The following ZRANB3 variants were observed in gnomAD, a reference collection of about 807,000 sequenced individuals.
ZRANB3 encodes the protein zinc finger RANBP2-type containing 3.
In ZRANB3, 125 loss-of-function variants were observed where a neutral mutation model predicts 133.8. The observed-to-expected ratio is 0.93, with a 90% confidence interval of 0.81 to 1.08. ZRANB3 has a LOEUF of 1.08. Ranked by LOEUF, ZRANB3 falls within the 50% of genes least tolerant of loss-of-function variation. The pLI is 0.00. For synonymous variants in ZRANB3, 387 were observed against 432.7 expected (o/e 0.89, Z 1.31); for missense variants, 1,229 against 1,275.5 (o/e 0.96, Z 0.56).
intron 3 of ZRANB3, among the ~76,000 whole-genome samples, chr2:135,361,134 C>T (rs1342135334): frequency 6.6e-6 from 1 of 152,246 alleles, no homozygotes; most frequent in East Asian, 1.9e-4. Flanking sequence ...ATTATAAAAG[C>T]AACAACACAC....
chr2:135,495,259 A>T (rs1423701291), intron 2 of ZRANB3, among the ~76,000 whole-genome samples: 1 of 152,224 alleles, frequency 6.6e-6, no homozygotes. Flanking sequence ...AAAAAAAAAT[A>T]AAAAGTTAAA....
intron 3 of ZRANB3, among the ~76,000 whole-genome samples, chr2:135,381,868 G>A (rs140595878): frequency 6.6e-6 from 1 of 152,024 alleles, no homozygotes; most frequent in Admixed American, 6.6e-5. Context: ...AATACCAAAG[G>A]TAGATAAAAC....
chr2:135,349,613 G>T (rs946529245), intron 5 of ZRANB3, among the ~76,000 whole-genome samples: 1 of 152,144 alleles, frequency 6.6e-6, no homozygotes, highest in African/African-American at 2.4e-5. Flanking sequence ...CAGTGTAAAA[G>T]AAATAAGGTA....
intron 2 of ZRANB3, among the ~76,000 whole-genome samples, chr2:135,465,668 G>A (rs1215850471): frequency 6.6e-6 from 1 of 152,176 alleles, no homozygotes; most frequent in Non-Finnish European, 1.5e-5. Context: ...ATTGACAAAT[G>A]GGATCTAATT....
At chr2:135,233,583 A>T (rs1465943670) in intron 12 of ZRANB3, among the ~76,000 whole-genome samples, 1 of 152,256 alleles carries the variant, frequency 6.6e-6, no homozygotes, top group African/African-American at 2.4e-5. Flanking sequence ...CATCAGACTA[A>T]CAGCGGATCT....
Position 135,199,602 on chromosome 2 carries a change from C to T in ZRANB3, c.*740G>A, listed in dbSNP as rs930669190. ...TGCGTGAGCCACCGCGCCCAGCCAA[C>T]AGTAAGCCTAGTTTTATTCATTTTT... On this transcript the variant is annotated 3_prime_UTR_variant, in exon 21 of 21. Transcript: ENST00000264159. 1.3e-5 allele frequency: 2 copies of T among 152,088 alleles called. No homozygotes were observed. The highest frequency in any genetic ancestry group is 6.6e-5 in the Admixed American group (1 of 15,250). 9.4% of individuals were successfully genotyped at this position (152,088 alleles called of 1,614,324 possible).
At chr2:135,354,998 CAGACTATACA>C (rs1685367739) in intron 3 of ZRANB3, among the ~76,000 whole-genome samples, 1 of 151,864 alleles carries the variant, frequency 6.6e-6, no homozygotes, top group Non-Finnish European at 1.5e-5. Flanking sequence ...CCCTGTTTAC[CAGACTATACA>C]AAGAGAAAAA....
intron 12 of ZRANB3, among the ~76,000 whole-genome samples, chr2:135,263,232 A>C (rs1680051696): frequency 6.6e-6 from 1 of 152,188 alleles, no homozygotes; most frequent in Admixed American, 6.6e-5. Context: ...GTGTTTTTAA[A>C]GCAACTTTGT....
chr2:135,436,741 T>C (rs1689551879), intron 2 of ZRANB3, among the ~76,000 whole-genome samples: 2 of 152,154 alleles, frequency 1.3e-5, no homozygotes, highest in Non-Finnish European at 2.9e-5. Flanking sequence ...AGTGGCATTC[T>C]TCATAGAATT....
intron 2 of ZRANB3, among the ~76,000 whole-genome samples, chr2:135,424,022 A>G (rs1333316909): frequency 1.3e-5 from 2 of 152,196 alleles, no homozygotes; most frequent in East Asian, 1.9e-4. Flanking sequence ...GACATTTAAG[A>G]ACAGCTAATA....
At chr2:135,479,980 C>T (rs926535356) in intron 2 of ZRANB3, among the ~76,000 whole-genome samples, 1 of 151,614 alleles carries the variant, frequency 6.6e-6, no homozygotes, top group African/African-American at 2.4e-5. Flanking sequence ...GTCACCCAGG[C>T]TGGAGTGCAG....
intron 2 of ZRANB3, among the ~76,000 whole-genome samples, chr2:135,402,433 T>G (rs1216012143): frequency 1.3e-5 from 2 of 151,852 alleles, no homozygotes; most frequent in Non-Finnish European, 2.9e-5. Context: ...TAGCTGGGAC[T>G]ACAGGAGCCC....
Position 135,269,172 on chromosome 2 carries a change from T to C in ZRANB3, c.1207-31A>G, listed in dbSNP as rs902072766. The stretch of plus-strand genomic sequence containing the variant: ...TGAAATAAAGCAAATAAATTGAGAA[T>C]GTAACATACAGCCAATATATAATAA... On this transcript the variant is annotated intron_variant, in intron 10 of 20. Coordinates refer to ENST00000264159, the MANE Select transcript of ZRANB3 (RefSeq NM_032143.4). 5.2e-6 allele frequency: 8 copies of C among 1,550,120 alleles called. No individual in the cohort carries two copies. In the Admixed American group the frequency reaches 9.7e-5, roughly 19 times the overall value.
chr2:135,510,533 G>C (rs1693406690), intron 1 of ZRANB3: 1 of 650,488 alleles, frequency 1.5e-6, no homozygotes, highest in African/African-American at 1.8e-5. Context: ...GCCGCGTGAA[G>C]ATCCATGAAG....
chr2:135,268,958 T>C lies in ZRANB3; in HGVS notation c.1386+4A>G. 1 of 1,599,820 alleles carries C rather than the reference T, an allele frequency of 6.3e-7. No individual in the cohort carries two copies. The highest frequency in any genetic ancestry group is 2.2e-5 in the East Asian group (1 of 44,516). On this transcript the variant is annotated splice_donor_region_variant and intron_variant, in intron 11 of 20. Coordinates refer to ENST00000264159, the MANE Select transcript of ZRANB3 (RefSeq NM_032143.4). ...TGCTAACTTGATTTAAATTCAAGCT[T>C]TACCTTGCGATTCAACATTCCCCAC...
intron 2 of ZRANB3, among the ~76,000 whole-genome samples, chr2:135,479,717 A>T (rs1172642905): frequency 2.0e-5 from 3 of 152,022 alleles, no homozygotes; most frequent in Non-Finnish European, 4.4e-5. Context: ...ACACTTTCAG[A>T]CACGGAGAGC....
intron 2 of ZRANB3, among the ~76,000 whole-genome samples, chr2:135,402,420 G>A (rs775620153): frequency 2.7e-5 from 4 of 150,702 alleles, no homozygotes; most frequent in Non-Finnish European, 4.4e-5. Flanking sequence ...TCAGTCTCCC[G>A]AGTAGCTGGG....
chr2:135,398,531 T>TG (rs1687599402), intron 2 of ZRANB3, among the ~76,000 whole-genome samples: 1 of 148,522 alleles, frequency 6.7e-6, no homozygotes, highest in Non-Finnish European at 1.5e-5. Flanking sequence ...CTTTTTTTTT[T>TG]TTTTTGAGAT....
At chr2:135,254,066 A>C (rs542583819) in intron 12 of ZRANB3, among the ~76,000 whole-genome samples, 1 of 152,106 alleles carries the variant, frequency 6.6e-6, no homozygotes, top group South Asian at 2.1e-4. Flanking sequence ...CTCTCCTTTA[A>C]CTCACTTCTC....
Sources: allele counts gnomAD v4.1 joint callset (sites outside exome capture counted in the v4.1 genomes callset), GRCh38; gene constraint gnomAD v4.1.1; transcripts MANE v1.5; gene names NCBI Gene and HGNC (gene_info 2026-07-23, HGNC 2026-07-21).